The following METTL6 variants were observed in gnomAD, a reference collection of about 807,000 sequenced individuals.
METTL6 encodes tRNA N(3)-cytidine methyltransferase METTL6.
In METTL6, 22 loss-of-function variants were observed where a neutral mutation model predicts 26.4. That is an observed-to-expected ratio of 0.83 (90% CI 0.59 to 1.19). The LOEUF (loss-of-function observed/expected upper bound fraction) is 1.19, where lower values mean the gene tolerates loss of function less well. METTL6 is among the 50% of genes most tolerant of loss of function. METTL6 has a pLI of 0.00. For synonymous variants in METTL6, 109 were observed against 116.2 expected (o/e 0.94, Z 0.40); for missense variants, 304 against 324.8 (o/e 0.94, Z 0.49).
In METTL6 at chr3:15,425,050, C is replaced by T; in HGVS notation, c.265G>A (p.Gly89Arg). 2 of 1,614,198 alleles carry T rather than the reference C, an allele frequency of 1.2e-6. No homozygotes were observed. Among genetic ancestry groups the T allele is most frequent in the South Asian group, 2.2e-5 (2 of 91,080 alleles). Residue 89 changes from glycine to arginine, a missense_variant, in exon 3 of 6, where the codon GGG becomes AGG. Transcript: ENST00000383790. ...QKLTMLEAGC[G>R]VGNCLFPLLE... Reference sequence around the variant, plus strand: ...AGTGGGAATAAACAGTTTCCAACCCCACAGCCAGCTTCAAGCATTGTTAAC... The same window carrying T: ...AGTGGGAATAAACAGTTTCCAACCCTACAGCCAGCTTCAAGCATTGTTAAC...
intron 6 of METTL6, among the ~76,000 whole-genome samples, chr3:15,404,179 G>A (rs1391324572): frequency 2.9e-4 from 44 of 152,006 alleles, no homozygotes; most frequent in Admixed American, 2.9e-3. Context: ...GAGTTACTCT[G>A]GTTCAAATGC....
intron 3 of METTL6, among the ~76,000 whole-genome samples, chr3:15,421,329 T>C (rs768513684): frequency 2.2e-4 from 33 of 152,372 alleles, no homozygotes; most frequent in Middle Eastern, 3.4e-3. Flanking sequence ...AATTGGATAC[T>C]GTGTCTATGT....
chr3:15,404,400 T>C (rs1699731907), intron 6 of METTL6, among the ~76,000 whole-genome samples: 1 of 152,102 alleles, frequency 6.6e-6, no homozygotes, highest in African/African-American at 2.4e-5. Context: ...TGGAGTACAG[T>C]GATGCGATCT....
At chr3:15,419,794 T>C (rs1307267831) in intron 3 of METTL6, among the ~76,000 whole-genome samples, 1 of 151,982 alleles carries the variant, frequency 6.6e-6, no homozygotes, top group Non-Finnish European at 1.5e-5. Flanking sequence ...CTGATCACAT[T>C]AACCCTATTT....
chr3:15,392,777 T>A (rs1312248791), intron 6 of METTL6, among the ~76,000 whole-genome samples: 1 of 152,232 alleles, frequency 6.6e-6, no homozygotes, highest in African/African-American at 2.4e-5. Flanking sequence ...TTCTTGTTTT[T>A]GTCAGGTTTG....
chr3:15,391,548 G>T (rs182194228), intron 6 of METTL6, among the ~76,000 whole-genome samples: 8 of 152,174 alleles, frequency 5.3e-5, no homozygotes, highest in African/African-American at 1.9e-4. Context: ...AACAAAACGT[G>T]CAGGTTTATT....
Position 15,397,800 on chromosome 3 carries a change from A to T in METTL6, c.*11+13445T>A, listed in dbSNP as rs376891304. On this transcript the variant is annotated intron_variant, in intron 6 of 6. Transcript: ENST00000443029. The stretch of plus-strand genomic sequence containing the variant: ...GTGTAAACATAAACGATTGCCAGCC[A>T]TAATTCTGGAGGTCATAAGATATGC... 2.4e-4 allele frequency among the ~76,000 whole-genome samples: 36 copies of T among 152,340 alleles called. 3 individuals are homozygous for T. Among genetic ancestry groups the T allele is most frequent in the Admixed American group, 1.2e-3 (18 of 15,304 alleles).
intron 6 of METTL6, among the ~76,000 whole-genome samples, chr3:15,404,089 A>G (rs1032454192): frequency 3.3e-5 from 5 of 152,078 alleles, no homozygotes; most frequent in Non-Finnish European, 7.4e-5. Context: ...ATCTCGTCCT[A>G]TGACTAAGAA....
At chr3:15,422,161 C>CA (rs77854806) in intron 3 of METTL6, among the ~76,000 whole-genome samples, 14,863 of 151,212 alleles carry the variant, frequency 0.098, 1,162 homozygotes, top group African/African-American at 0.22. Context: ...CCCGTCTCTA[C>CA]AAAAAAATAA....
intron 6 of METTL6, among the ~76,000 whole-genome samples, chr3:15,397,827 A>T (rs1354445478): frequency 6.6e-6 from 1 of 152,104 alleles, no homozygotes; most frequent in Admixed American, 6.6e-5. Flanking sequence ...AAGATATGCA[A>T]CTTCCCCAAT....
downstream of METTL6, among the ~76,000 whole-genome samples, chr3:15,409,682 T>TC (rs932111039): frequency 1.1e-4 from 17 of 151,544 alleles, no homozygotes; most frequent in East Asian, 1.2e-3. Flanking sequence ...ATTCCCTCTC[T>TC]CCCCCCCAGG....
chr3:15,413,804 G>A lies in METTL6; in HGVS notation c.673+217C>T, dbSNP rs754146667. ...GTCCATTAACCCAAGCTCATTAGGG[G>A]AGTCACTGACACCAGAGAAGGCTTG... On this transcript the variant is annotated intron_variant, in intron 5 of 5. Coordinates refer to ENST00000383790, the MANE Select transcript of METTL6 (RefSeq NM_152396.4). 2.8e-4 allele frequency: 420 copies of A among 1,477,864 alleles called. 1 individual carries two copies. Among genetic ancestry groups the A allele is most frequent in the Non-Finnish European group, 8.6e-5 (95 of 1,110,744 alleles). The allele number at this position is 1,477,864 out of a possible 1,614,324, so 91.5% of individuals were successfully genotyped here. A position where few individuals can be genotyped will look rare whatever the true frequency, so the allele number is the denominator to read the frequency against.
In METTL6 at chr3:15,415,628, C is replaced by T. The variant is rs753092022; in HGVS notation, c.531+144G>A. ...GGGTGGATGTTTTATGCCAGAGGAC[C>T]CCTTTCTATACACTCACTACACAGC... On this transcript the variant is annotated intron_variant, in intron 4 of 5. Coordinates refer to ENST00000383790, the MANE Select transcript of METTL6 (RefSeq NM_152396.4). 5.0e-6 allele frequency: 8 copies of T among 1,608,670 alleles called. No individual in the cohort carries two copies. The South Asian group carries it at 7.7e-5, about 16-fold the overall frequency.
chr3:15,385,544 G>A (rs1699169963), intron 6 of METTL6, among the ~76,000 whole-genome samples: 1 of 152,144 alleles, frequency 6.6e-6, no homozygotes, highest in South Asian at 2.1e-4. Flanking sequence ...GTTGCAGTGA[G>A]CCAAGATTGT....
chr3:15,389,732 A>G (rs192417406), intron 6 of METTL6, among the ~76,000 whole-genome samples: 343 of 151,412 alleles, frequency 2.3e-3, no homozygotes, highest in African/African-American at 7.9e-3. Context: ...TATTTTTAGT[A>G]GAGATGGGGT....
chr3:15,412,543 G>C (rs1700014417), intron 5 of METTL6, among the ~76,000 whole-genome samples: 1 of 151,978 alleles, frequency 6.6e-6, no homozygotes, highest in South Asian at 2.1e-4. Context: ...GGAGGGCAGT[G>C]GTATGATCAT....
chr3:15,422,584 C>T (rs1559498063), intron 3 of METTL6, among the ~76,000 whole-genome samples: 1 of 152,042 alleles, frequency 6.6e-6, no homozygotes, highest in Non-Finnish European at 1.5e-5. Flanking sequence ...CTAATACACA[C>T]CACTGCACTC....
chr3:15,383,432 A>AT (rs1699120128), exon 7 of METTL6: 1 of 149,812 alleles, frequency 6.7e-6, no homozygotes, highest in Admixed American at 6.7e-5. Flanking sequence ...GAGACAGGGT[A>AT]TTGCTATGTT....
intron 6 of METTL6, among the ~76,000 whole-genome samples, chr3:15,404,298 C>T (rs960977243): frequency 6.6e-6 from 1 of 152,064 alleles, no homozygotes; most frequent in African/African-American, 2.4e-5. Context: ...TGAAATACCA[C>T]ACATTTGAGG....
Sources: allele counts gnomAD v4.1 joint callset (sites outside exome capture counted in the v4.1 genomes callset), GRCh38; gene constraint gnomAD v4.1.1; transcripts MANE v1.5; gene names NCBI Gene and HGNC (gene_info 2026-07-23, HGNC 2026-07-21).